Variants in SGK3 observed in about 807,000 individuals in gnomAD.
The protein encoded by SGK3 is serine/threonine-protein kinase Sgk3.
A neutral mutation model predicts 68.5 loss-of-function variants in SGK3; 47 were observed. That is an observed-to-expected ratio of 0.69 (90% confidence interval 0.54 to 0.87). SGK3 has a LOEUF of 0.87. Among genes scored for constraint, SGK3 ranks in the 40% least tolerant of loss-of-function variants. The pLI, the probability that SGK3 is intolerant of heterozygous loss-of-function variation, is 0.00. For missense variants in SGK3, 479 were observed against 575.5 expected, an observed-to-expected ratio of 0.83 and a Z score of 1.72; for synonymous variants, 181 against 189.1, an observed-to-expected ratio of 0.96 and a Z score of 0.35.
intron 3 of SGK3, among the ~76,000 whole-genome samples, chr8:66,803,168 T>C (rs181247862): frequency 5.5e-4 from 83 of 152,280 alleles, no homozygotes; most frequent in Admixed American, 5.2e-3. Context: ...TTTACACATT[T>C]TTTGTGTGTG....
intron 3 of SGK3, among the ~76,000 whole-genome samples, chr8:66,800,512 G>A (rs1157174588): frequency 6.6e-6 from 1 of 151,406 alleles, no homozygotes; most frequent in Admixed American, 6.6e-5. Context: ...TATGCCTGTG[G>A]GTTATTATTT....
intron 1 of SGK3, among the ~76,000 whole-genome samples, chr8:66,767,030 A>C (rs1180373096): frequency 6.6e-6 from 1 of 152,170 alleles, no homozygotes; most frequent in Non-Finnish European, 1.5e-5. Flanking sequence ...TTTTTAGTAG[A>C]GACAGGATTT....
chr8:66,751,346 A>G (rs1400961473), intron 1 of SGK3, among the ~76,000 whole-genome samples: 1 of 152,162 alleles, frequency 6.6e-6, no homozygotes, highest in African/African-American at 2.4e-5. Context: ...TTTATAGGGC[A>G]TTTCTGTACA....
At chr8:66,731,850 A>G (rs1262327901) in intron 1 of SGK3, among the ~76,000 whole-genome samples, 4 of 152,194 alleles carry the variant, frequency 2.6e-5, no homozygotes, top group Admixed American at 6.5e-5. Flanking sequence ...TAACATTTAA[A>G]TGTAACTTAT....
chr8:66,721,558 A>G (rs887017299), intron 1 of SGK3, among the ~76,000 whole-genome samples: 1 of 152,200 alleles, frequency 6.6e-6, no homozygotes, highest in Non-Finnish European at 1.5e-5. Context: ...CAACCTTTGA[A>G]GCCCTTGAGA....
At chr8:66,797,751 T>C (rs1427460727) in intron 2 of SGK3, among the ~76,000 whole-genome samples, 1 of 152,296 alleles carries the variant, frequency 6.6e-6, no homozygotes, top group East Asian at 1.9e-4. Context: ...GAAAATACTT[T>C]GTAAGTTCCA....
At position 66,847,233 on chromosome 8, in the gene SGK3, A is replaced by G. The variant is rs952010662; in HGVS notation, c.1115A>G (p.Asn372Ser). 11 of 1,613,596 alleles carry G rather than the reference A, an allele frequency of 6.8e-6. 1 individual carries two copies. The Middle Eastern group carries it at 4.9e-4, about 72-fold the overall frequency. Residue 372 changes from asparagine (N) to serine (S), a missense_variant, in exon 15 of 17, where the codon AAT becomes AGT. Physicochemically the swap from Asn to Ser is conservative, Grantham distance 46 (BLOSUM62 1). This residue lies in a region of SGK3 where 173 missense variants were observed against 214.3 expected (regional missense o/e 0.81). Coordinates refer to ENST00000521198, the MANE Select transcript of SGK3 (RefSeq NM_001033578.3). ...YCRDVAEMYDNILHKPLSLRP... is the reference protein window; with the variant it reads ...YCRDVAEMYDSILHKPLSLRP... The stretch of plus-strand genomic sequence containing the variant: ...CGAGATGTTGCTGAAATGTATGACA[A>G]TATCCTTCACAAACCCCTAAGTTTG...
intron 1 of SGK3, among the ~76,000 whole-genome samples, chr8:66,771,739 A>G (rs1156836763): frequency 6.6e-6 from 1 of 152,160 alleles, no homozygotes; most frequent in Non-Finnish European, 1.5e-5. Flanking sequence ...GGGCTTAAGG[A>G]AAGTTGAAAA....
chr8:66,845,307 G>A (rs961886132), intron 14 of SGK3, among the ~76,000 whole-genome samples: 5 of 152,048 alleles, frequency 3.3e-5, no homozygotes, highest in Admixed American at 2.0e-4. Context: ...GCTGAGTCAG[G>A]AGAATCACTT....
rs139815326 is a variant in SGK3 at position 66,747,715 on chromosome 8, G to A, written c.-122+34882G>A. Among the ~76,000 whole-genome samples, 606 of 152,138 alleles carry A rather than the reference G, an allele frequency of 4.0e-3. 2 individuals are homozygous for A. The highest frequency in any genetic ancestry group is 5.7e-3 in the African/African-American group (236 of 41,522). ...TGGGACTACAGGTGTGTGCCACCAC[G>A]CCTGGCTAATTTTTAATTTTTTTGT... On this transcript the variant is annotated intron_variant, in intron 1 of 16. Coordinates refer to ENST00000521198, the MANE Select transcript of SGK3 (RefSeq NM_001033578.3).
chr8:66,777,640 C>T (rs1179442235), intron 1 of SGK3, among the ~76,000 whole-genome samples: 2 of 152,202 alleles, frequency 1.3e-5, no homozygotes, highest in Non-Finnish European at 2.9e-5. Context: ...CCCATTTCTT[C>T]ATTCCCTTCA....
At chr8:66,793,589 C>T in intron 1 of SGK3, 27 bp from the exon 2 acceptor site, 1 of 677,756 alleles carries the variant, frequency 1.5e-6, no homozygotes, top group Non-Finnish European at 2.4e-6. Flanking sequence ...TTTTGCTAAT[C>T]ACTTTTTTTT....
chr8:66,761,514 G>A (rs906011835), intron 1 of SGK3, among the ~76,000 whole-genome samples: 6 of 152,036 alleles, frequency 3.9e-5, no homozygotes, highest in African/African-American at 1.4e-4. Flanking sequence ...GGTGGCTCAC[G>A]CCCCAGCACT....
chr8:66,796,782 G>A (rs1436392592), intron 2 of SGK3, among the ~76,000 whole-genome samples: 4 of 152,140 alleles, frequency 2.6e-5, no homozygotes. Context: ...TGCAGATACA[G>A]TGGAACAAGA....
At chr8:66,760,172 A>C (rs1267230062) in intron 1 of SGK3, among the ~76,000 whole-genome samples, 1 of 152,126 alleles carries the variant, frequency 6.6e-6, no homozygotes, top group Admixed American at 6.6e-5. Flanking sequence ...GCCTCAGAAA[A>C]ATTTCTCAGT....
At chr8:66,744,499 ATATATATATATATATATATATTTT>A in intron 1 of SGK3, among the ~76,000 whole-genome samples, 1 of 19,940 alleles carries the variant, frequency 5.0e-5, no homozygotes, top group African/African-American at 2.3e-4. Context: ...ATATATATAT[ATATATATATATATATATATATTTT>A]TTTTTTTTTT....
chr8:66,733,873 G>A (rs1469016427), intron 1 of SGK3, among the ~76,000 whole-genome samples: 1 of 152,046 alleles, frequency 6.6e-6, no homozygotes, highest in Admixed American at 6.6e-5. Context: ...GAAAACAAAG[G>A]GTTTCTTTGC....
intron 1 of SGK3, among the ~76,000 whole-genome samples, chr8:66,752,954 C>T (rs1805867078): frequency 1.3e-5 from 2 of 152,070 alleles, no homozygotes; most frequent in South Asian, 4.2e-4. Flanking sequence ...GCTCAAGCCT[C>T]AGCCTCCCAC....
At chr8:66,834,464 GGTTTTGTTTTGTTTT>G (rs147634357) in intron 8 of SGK3, among the ~76,000 whole-genome samples, 10 of 151,188 alleles carry the variant, frequency 6.6e-5, no homozygotes, top group African/African-American at 1.5e-4. Context: ...CTACTGGCAG[GGTTTTGTTTTGTTTT>G]GTTTTGTTTT....
Sources: gnomAD v4.1 joint callset for allele counts (sites outside exome capture counted in the v4.1 genomes callset) on GRCh38, gnomAD v4.1.1 for gene constraint, gnomAD v4.1.1 regional missense constraint, MANE v1.5 for transcripts, NCBI Gene and HGNC (gene_info 2026-07-23, HGNC 2026-07-21) for gene names.